CSRP1: variants seen among roughly 807,000 people sequenced by gnomAD.
CSRP1 encodes the protein cysteine and glycine rich protein 1, also known as cysteine and glycine-rich protein 1.
In CSRP1, 16 loss-of-function variants were observed where a neutral mutation model predicts 25.4. The observed-to-expected ratio is 0.63, with a 90% CI of 0.43 to 0.96. The LOEUF (loss-of-function observed/expected upper bound fraction) is 0.96. Among genes scored for constraint, CSRP1 ranks in the 40% least tolerant of loss-of-function variants. CSRP1 has a pLI of 0.00. For missense variants in CSRP1, 212 were observed against 243.6 expected (o/e 0.87, Z 0.86); for synonymous variants, 97 against 95.3 (o/e 1.02, Z -0.10).
At chr1:201,485,494 C>T in intron 4 of CSRP1, 118 bp from the exon 5 acceptor site, 1 of 873,988 alleles carries the variant, frequency 1.1e-6, no homozygotes, top group Admixed American at 2.0e-5. Flanking sequence ...CTGAAGTCTA[C>T]TCAGCTGGTG....
At chr1:201,496,339 C>T in intron 1 of CSRP1, 35 bp from the exon 2 acceptor site, 1 of 1,491,370 alleles carries the variant, frequency 6.7e-7, no homozygotes, top group Non-Finnish European at 9.3e-7. Context: ...ATTAATTTTA[C>T]AGGGAGATGG....
chr1:201,483,804 A>C lies in CSRP1; in HGVS notation c.*909T>G. ...ATTCTGAGGTCTCAGGGCAAAGGGA[A>C]AGGTGTTTGGATGAAGACTGAGGCA... On this transcript the variant is annotated 3_prime_UTR_variant, in exon 6 of 6. Coordinates refer to ENST00000340006, the MANE Select transcript of CSRP1 (RefSeq NM_004078.3). 3.9e-6 allele frequency: 2 copies of C among 507,964 alleles called. No individual in the cohort carries two copies. Among genetic ancestry groups the C allele is most frequent in the East Asian group, 2.9e-5 (1 of 34,832 alleles). 31.5% of individuals were successfully genotyped at this position (507,964 alleles called of 1,614,324 possible).
At chr1:201,501,886 C>T (rs1262292) in intron 1 of CSRP1, among the ~76,000 whole-genome samples, 3 of 151,692 alleles carry the variant, frequency 2.0e-5, no homozygotes, top group Admixed American at 2.0e-4. Flanking sequence ...CCAGCTACTC[C>T]GGAGGCTGAG....
At chr1:201,493,063 TACAGCTCAGAGATGGGC>T (rs1664391546) in intron 2 of CSRP1, among the ~76,000 whole-genome samples, 1 of 152,162 alleles carries the variant, frequency 6.6e-6, no homozygotes, top group Admixed American at 6.5e-5. Context: ...GGGAGCTGGG[TACAGCTCAGAGATGGGC>T]ACATAACCTC....
chr1:201,493,559 T>C (rs1318364379), intron 2 of CSRP1, among the ~76,000 whole-genome samples: 5 of 152,186 alleles, frequency 3.3e-5, no homozygotes, highest in Admixed American at 2.6e-4. Flanking sequence ...GAACTGTGAG[T>C]CCATTAAACC....
chr1:201,505,503 C>A (rs1236527240), intron 1 of CSRP1, among the ~76,000 whole-genome samples: 1 of 57,838 alleles, frequency 1.7e-5, no homozygotes, highest in African/African-American at 5.7e-5. Flanking sequence ...TAGTTTCTCT[C>A]CTGCTTCTTC....
intron 1 of CSRP1, among the ~76,000 whole-genome samples, chr1:201,503,324 C>T (rs17428775): frequency 0.015 from 2,258 of 152,268 alleles, 26 homozygotes; most frequent in Middle Eastern, 0.031. Flanking sequence ...CCATGCTGAA[C>T]AAAATGGTCT....
intron 1 of CSRP1, among the ~76,000 whole-genome samples, chr1:201,501,177 T>A (rs1664659825): frequency 6.6e-6 from 1 of 152,146 alleles, no homozygotes; most frequent in African/African-American, 2.4e-5. Flanking sequence ...TGCCCGCCCC[T>A]CTGACTACCA....
At position 201,484,692 on chromosome 1, in the gene CSRP1, G is replaced by C; in HGVS notation, c.*21C>G. 4 of 1,603,554 alleles carry C rather than the reference G, an allele frequency of 2.5e-6. No individual in the cohort carries two copies. The highest frequency in any genetic ancestry group is 3.4e-6 in the Non-Finnish European group (4 of 1,174,666). ...GATGAAAAGCGCAGGAGTGGGCAGG[G>C]TGTGGTGGGTGATGGTGGCCTCACT... On this transcript the variant is annotated 3_prime_UTR_variant, in exon 6 of 6. Coordinates refer to ENST00000340006, the MANE Select transcript of CSRP1 (RefSeq NM_004078.3).
chr1:201,490,344 A>G lies in CSRP1; in HGVS notation c.113T>C (p.Met38Thr), dbSNP rs746339783. 1.9e-6 allele frequency: 3 copies of G among 1,613,414 alleles called. No individual in the cohort carries two copies. Among genetic ancestry groups the G allele is most frequent in the Non-Finnish European group, 2.5e-6 (3 of 1,179,538 alleles). The change falls in exon 3 of 6, where the codon ATG becomes ACG. Residue 38 changes from methionine to threonine, a missense_variant and splice_region_variant. Coordinates refer to ENST00000340006, the MANE Select transcript of CSRP1 (RefSeq NM_004078.3). ...NSFHKSCFLC[M>T]VCKKNLDSTT... Reference sequence around the variant, plus strand: ...ACTGTCCAGATTCTTCTTGCAGACCACTGTGGAGGGGAAGGGGAAGCGGAC... The same window carrying G: ...ACTGTCCAGATTCTTCTTGCAGACCGCTGTGGAGGGGAAGGGGAAGCGGAC...
chr1:201,499,718 C>T (rs1168213361), intron 1 of CSRP1, among the ~76,000 whole-genome samples: 1 of 152,164 alleles, frequency 6.6e-6, no homozygotes, highest in East Asian at 1.9e-4. Flanking sequence ...TGAGTTCAAG[C>T]AATTCTCATG....
rs763961780 is a variant in CSRP1 at position 201,496,244 on chromosome 1, G to A, written c.60C>T (p.Ala20=). 26 of 1,614,042 alleles carry A rather than the reference G, an allele frequency of 1.6e-5. No individual in the cohort carries two copies. Among genetic ancestry groups the A allele is most frequent in the African/African-American group, 1.3e-4 (10 of 74,918 alleles). Residue 20 remains alanine (A), a synonymous_variant, in exon 2 of 6, where the codon GCC becomes GCT. Coordinates refer to ENST00000340006, the MANE Select transcript of CSRP1 (RefSeq NM_004078.3). The stretch of plus-strand genomic sequence containing the variant: ...TGTTGCCTTCGCACTGAACCTCTTC[G>A]GCAAAGTAAACCGTCTTCTGACACA... ...CGVCQKTVYF[A]EEVQCEGNSF...
At chr1:201,502,776 G>A (rs1664707593) in intron 1 of CSRP1, among the ~76,000 whole-genome samples, 1 of 152,148 alleles carries the variant, frequency 6.6e-6, no homozygotes. Context: ...GACAAGGGCG[G>A]TATATGTCTC....
At chr1:201,486,518 G>C (rs1484176182) in intron 4 of CSRP1, 1 of 985,452 alleles carries the variant, frequency 1.0e-6, no homozygotes, top group East Asian at 1.1e-4. Context: ...GAGCTGAAAT[G>C]GGGGGACCTG....
chr1:201,495,336 G>A (rs1282352898), intron 2 of CSRP1, among the ~76,000 whole-genome samples: 3 of 152,242 alleles, frequency 2.0e-5, no homozygotes, highest in Non-Finnish European at 4.4e-5. Context: ...AGGCTGCAGT[G>A]AGACACTGCA....
intron 4 of CSRP1, chr1:201,486,004 A>G (rs1664124087): frequency 6.6e-6 from 1 of 152,278 alleles, no homozygotes; most frequent in African/African-American, 2.4e-5. Context: ...ACACTGGTGA[A>G]GTCAGTTAGT....
chr1:201,503,406 G>A (rs766960582), intron 1 of CSRP1, among the ~76,000 whole-genome samples: 3 of 152,114 alleles, frequency 2.0e-5, no homozygotes, highest in Non-Finnish European at 2.9e-5. Context: ...AACACAGGTC[G>A]TTTGCAGCTG....
At chr1:201,496,892 G>A (rs1664530504) in intron 1 of CSRP1, among the ~76,000 whole-genome samples, 1 of 152,222 alleles carries the variant, frequency 6.6e-6, no homozygotes, top group African/African-American at 2.4e-5. Context: ...AGGGAGGCTG[G>A]TAAGGCACTG....
intron 1 of CSRP1, among the ~76,000 whole-genome samples, chr1:201,502,396 G>A (rs1463813492): frequency 1.3e-5 from 2 of 152,228 alleles, no homozygotes; most frequent in East Asian, 3.9e-4. Context: ...TGTCCAGAGA[G>A]CAGCTGAGGG....
Sources: gnomAD v4.1 joint callset for allele counts (sites outside exome capture counted in the v4.1 genomes callset) on GRCh38, gnomAD v4.1.1 for gene constraint, MANE v1.5 for transcripts, NCBI Gene and HGNC (gene_info 2026-07-23, HGNC 2026-07-21) for gene names.